Variants in ATXN7L1 observed in about 807,000 individuals in gnomAD.
The protein encoded by ATXN7L1 is ataxin 7 like 1, also known as ataxin-7-like protein 1.
Under a neutral mutation model 70.8 loss-of-function variants are expected in ATXN7L1, and 15 were observed. The ratio of observed to expected loss-of-function variants is 0.21; its 90% CI spans 0.14 to 0.33. The LOEUF (loss-of-function observed/expected upper bound fraction) is 0.33, where lower values mean the gene tolerates loss of function less well. Among genes scored for constraint, ATXN7L1 ranks in the 10% least tolerant of loss-of-function variants. The probability of loss-of-function intolerance (pLI) is 1.00; values close to 1 mark genes in which losing one functional copy is unlikely to be tolerated. For synonymous variants in ATXN7L1, 440 were observed against 445.1 expected (o/e 0.99, Z 0.14); for missense variants, 975 against 1,097.1 (o/e 0.89, Z 1.57).
rs554706305 is a variant in ATXN7L1 at position 105,698,810 on chromosome 7, C to T, written c.356-33522G>A. On this transcript the variant is annotated intron_variant, in intron 3 of 11. Transcript: ENST00000419735. ...GACTGAAGTTCCCTGAGGGCAGGTT[C>T]TGAGTCTCAGCTATCTTTGCATGCT... Among the ~76,000 whole-genome samples, 5 of 152,328 alleles carry T rather than the reference C, an allele frequency of 3.3e-5. No individual in the cohort carries two copies. The South Asian group carries it at 8.3e-4, about 25-fold the overall frequency.
At chr7:105,770,902 G>A (rs1193640675) in intron 3 of ATXN7L1, among the ~76,000 whole-genome samples, 1 of 152,046 alleles carries the variant, frequency 6.6e-6, no homozygotes, top group African/African-American at 2.4e-5. Context: ...CAAGGATCAT[G>A]TTAAAAATAC....
chr7:105,810,985 A>T (rs1198209429), intron 2 of ATXN7L1, among the ~76,000 whole-genome samples: 1 of 152,226 alleles, frequency 6.6e-6, no homozygotes, highest in Non-Finnish European at 1.5e-5. Flanking sequence ...TTCTGTCCAA[A>T]GCAACTGGAA....
intron 2 of ATXN7L1, among the ~76,000 whole-genome samples, 177 bp downstream of exon 2, chr7:105,875,635 C>G (rs1819088860): frequency 7.8e-6 from 1 of 127,584 alleles, no homozygotes; most frequent in African/African-American, 2.7e-5. Context: ...TTACCCCCCC[C>G]CCAGTTGTAT....
intron 2 of ATXN7L1, among the ~76,000 whole-genome samples, chr7:105,812,609 AG>A (rs2116543626): frequency 6.6e-6 from 1 of 152,304 alleles, no homozygotes; most frequent in East Asian, 1.9e-4. Flanking sequence ...ATTTCCCTGC[AG>A]TTGTCCCTCT....
chr7:105,652,085 C>T (rs1354910177), intron 4 of ATXN7L1, among the ~76,000 whole-genome samples: 1 of 152,038 alleles, frequency 6.6e-6, no homozygotes, highest in East Asian at 1.9e-4. Flanking sequence ...TCCTAGTGCC[C>T]TAGGACTGTG....
chr7:105,683,827 C>T (rs141853093), intron 3 of ATXN7L1, among the ~76,000 whole-genome samples: 22 of 152,304 alleles, frequency 1.4e-4, no homozygotes, highest in African/African-American at 4.8e-4. Context: ...TTCCTCTTGC[C>T]AACCTGATCG....
At chr7:105,870,003 C>T (rs1312737134) in intron 2 of ATXN7L1, among the ~76,000 whole-genome samples, 1 of 152,032 alleles carries the variant, frequency 6.6e-6, no homozygotes, top group East Asian at 1.9e-4. Flanking sequence ...GATATCTGGC[C>T]GGGTGCGGTG....
Position 105,605,042 on chromosome 7 carries a change from C to CTTTTTTGTTTTTT in ATXN7L1, c.*2809_*2810insAAAAAACAAAAAA, listed in dbSNP as rs1792695159. 1 of 71,554 alleles carries CTTTTTTGTTTTTT rather than the reference C, an allele frequency of 1.4e-5. No homozygotes were observed. The allele number at this position is 71,554 out of a possible 1,614,324, so 4.4% of individuals were successfully genotyped here. The stretch of plus-strand genomic sequence containing the variant: ...GAAGGCATACAAGTTATCCAAGTCG[C>CTTTTTTGTTTTTT]TTTTTTTTTTTTTTTTTTTTTTTTA... On this transcript the variant is annotated 3_prime_UTR_variant, in exon 12 of 12. Coordinates refer to ENST00000419735, the MANE Select transcript of ATXN7L1 (RefSeq NM_020725.2).
intron 3 of ATXN7L1, among the ~76,000 whole-genome samples, chr7:105,764,077 C>T (rs903366107): frequency 6.6e-6 from 1 of 152,052 alleles, no homozygotes; most frequent in African/African-American, 2.4e-5. Context: ...TGGTCTTGAA[C>T]TCCTGACCTC....
chr7:105,718,058 A>C (rs968613854), intron 3 of ATXN7L1, among the ~76,000 whole-genome samples: 1 of 152,246 alleles, frequency 6.6e-6, no homozygotes, highest in African/African-American at 2.4e-5. Flanking sequence ...AGCAGAGGAA[A>C]TGGAAGGGGC....
At chr7:105,718,540 C>T (rs999684648) in intron 3 of ATXN7L1, among the ~76,000 whole-genome samples, 8 of 152,182 alleles carry the variant, frequency 5.3e-5, no homozygotes, top group Admixed American at 2.0e-4. Flanking sequence ...CTGGAGGCTC[C>T]GGGGAGAGGT....
At position 105,614,075 on chromosome 7, in the gene ATXN7L1, G is replaced by A. The variant is rs939380273; in HGVS notation, c.2259C>T (p.His753=). ...CPLSVPSLAL[H]AGDLSLASHN... ...GTGAGGCCAGAGAGAGGTCCCCTGC[G>A]TGGAGCGCAAGGGAGGGCACAGAGA... is the stretch of plus-strand genomic sequence containing the variant. The change falls in exon 10 of 12, where the codon CAC becomes CAT. Residue 753 remains histidine (H), a synonymous_variant. Coordinates refer to ENST00000419735, the MANE Select transcript of ATXN7L1 (RefSeq NM_020725.2). The surrounding 1 kb of genome is among the most constrained non-coding windows in gnomAD (Gnocchi z 4.3). The A allele has an allele frequency of 1.5e-5, 23 of 1,551,710 alleles. No individual in the cohort carries two copies. Among genetic ancestry groups the A allele is most frequent in the East Asian group, 4.9e-5 (2 of 40,934 alleles).
rs559728028 is a variant in ATXN7L1 at position 105,716,808 on chromosome 7, A to G, written c.356-51520T>C. Among the ~76,000 whole-genome samples the G allele has an allele frequency of 3.9e-4, 60 of 152,134 alleles. No homozygotes were observed. The Middle Eastern group carries it at 0.01, about 26-fold the overall frequency. On this transcript the variant is annotated intron_variant, in intron 3 of 11. Transcript: ENST00000419735. ...GGCAGGAGGATCAGTTGAGCCCAGG[A>G]AGTCAAGGTTGCAGTGAGCCATGAT...
At chr7:105,623,754 G>C (rs1795268581) in intron 8 of ATXN7L1, among the ~76,000 whole-genome samples, 1 of 152,228 alleles carries the variant, frequency 6.6e-6, no homozygotes, top group Non-Finnish European at 1.5e-5. Flanking sequence ...GCTCCTGAGT[G>C]CACTTACAGA....
chr7:105,743,890 TATCA>T (rs1252561210), intron 3 of ATXN7L1, among the ~76,000 whole-genome samples: 2 of 152,226 alleles, frequency 1.3e-5, no homozygotes, highest in African/African-American at 4.8e-5. Context: ...ATTAATCAAG[TATCA>T]ATCACTGACA....
chr7:105,620,099 G>A (rs546677835), intron 9 of ATXN7L1, 101 bp downstream of exon 9: 1 of 1,392,440 alleles, frequency 7.2e-7, no homozygotes, highest in African/African-American at 1.4e-5. Flanking sequence ...GAATCATTTT[G>A]TTCTATGAAA....
At chr7:105,693,190 T>G (rs1791241988) in intron 3 of ATXN7L1, among the ~76,000 whole-genome samples, 1 of 151,674 alleles carries the variant, frequency 6.6e-6, no homozygotes, top group African/African-American at 2.4e-5. Context: ...GTGAGAAATT[T>G]TTTTTGTTTT....
chr7:105,796,028 A>G (rs1348827795), intron 2 of ATXN7L1, among the ~76,000 whole-genome samples: 1 of 152,258 alleles, frequency 6.6e-6, no homozygotes, highest in Non-Finnish European at 1.5e-5. Context: ...TAATTTAAAC[A>G]TTCCAAGCTC....
intron 4 of ATXN7L1, among the ~76,000 whole-genome samples, chr7:105,657,271 T>G (rs898090464): frequency 2.6e-5 from 4 of 152,108 alleles, no homozygotes; most frequent in Admixed American, 1.3e-4. Context: ...CAACTCCTGA[T>G]GGGAGCGTAA....
Sources: allele counts gnomAD v4.1 joint callset (sites outside exome capture counted in the v4.1 genomes callset), GRCh38; gene constraint gnomAD v4.1.1; non-coding constraint Gnocchi (gnomAD v3.1); transcripts MANE v1.5; gene names NCBI Gene and HGNC (gene_info 2026-07-23, HGNC 2026-07-21).